Variants in PLCZ1 observed in about 807,000 individuals in gnomAD.
PLCZ1 encodes 1-phosphatidylinositol 4,5-bisphosphate phosphodiesterase zeta-1.
Under a neutral mutation model 76.8 loss-of-function variants are expected in PLCZ1, and 64 were observed. The ratio of observed to expected loss-of-function variants is 0.83; its 90% CI spans 0.68 to 1.03. PLCZ1 has a LOEUF of 1.03. PLCZ1 is among the 50% of genes least tolerant of loss of function. The pLI is 0.00. For synonymous variants in PLCZ1, 248 were observed against 230.8 expected (o/e 1.07, Z -0.68); for missense variants, 751 against 713.7 (o/e 1.05, Z -0.60).
chr12:18,684,385 A>C, intron 13 of PLCZ1, 106 bp from the exon 14 acceptor site: 3 of 1,078,914 alleles, frequency 2.8e-6, no homozygotes, highest in East Asian at 4.9e-5. Flanking sequence ...TTTAACAATA[A>C]TATCTTGTGT....
At chr12:18,728,038 AAAT>A (rs1958851100) in intron 3 of PLCZ1, among the ~76,000 whole-genome samples, 1 of 152,190 alleles carries the variant, frequency 6.6e-6, no homozygotes. Flanking sequence ...CCAAGCAAAG[AAAT>A]AAAGGAGGAA....
At chr12:18,653,383 T>C in the PLCZ1 span, among the ~76,000 whole-genome samples, 3 of 152,204 alleles carry the variant, frequency 2.0e-5, no homozygotes, top group Admixed American at 1.3e-4. Flanking sequence ...ATGTATATAT[T>C]ATTTCCTAGC....
chr12:18,657,796 A>G, the PLCZ1 span, among the ~76,000 whole-genome samples: 4 of 152,184 alleles, frequency 2.6e-5, no homozygotes, highest in South Asian at 8.3e-4. Context: ...TGTGCAAATA[A>G]TAAGAAAGTA....
chr12:18,690,620 T>C (rs1325194461), intron 12 of PLCZ1, among the ~76,000 whole-genome samples: 2 of 152,078 alleles, frequency 1.3e-5, no homozygotes, highest in African/African-American at 2.4e-5. Context: ...TGCCATAATA[T>C]ATGCATGCAG....
At chr12:18,668,441 C>A in the PLCZ1 span, among the ~76,000 whole-genome samples, 10 of 152,190 alleles carry the variant, frequency 6.6e-5, no homozygotes, top group Non-Finnish European at 1.5e-4. Context: ...GGAACCCAAC[C>A]TACACACATG....
At chr12:18,651,337 G>T in the PLCZ1 span, among the ~76,000 whole-genome samples, 1 of 152,086 alleles carries the variant, frequency 6.6e-6, no homozygotes, top group South Asian at 2.1e-4. Context: ...GTGAGATGTT[G>T]CAAGCTGCCC....
chr12:18,686,337 A>T (rs1953148892), intron 13 of PLCZ1, among the ~76,000 whole-genome samples: 1 of 152,094 alleles, frequency 6.6e-6, no homozygotes, highest in African/African-American at 2.4e-5. Context: ...TCTAGAAAAA[A>T]GAAAGTTCCT....
At chr12:18,693,874 G>T in intron 12 of PLCZ1, 9 of 1,533,572 alleles carry the variant, frequency 5.9e-6, no homozygotes, top group Non-Finnish European at 8.1e-6. Flanking sequence ...CCATCTTTCA[G>T]ATTCACACAA....
intron 12 of PLCZ1, among the ~76,000 whole-genome samples, chr12:18,691,567 G>T (rs1200113062): frequency 1.3e-5 from 2 of 152,142 alleles, no homozygotes; most frequent in African/African-American, 4.8e-5. Context: ...TCACTTGGAA[G>T]GTAGGGGGTA....
At chr12:18,681,230 T>C (rs1334000407), downstream of PLCZ1, among the ~76,000 whole-genome samples, 9 of 152,034 alleles carry the variant, frequency 5.9e-5, no homozygotes, top group Admixed American at 5.9e-4. Flanking sequence ...ACTGTCATTA[T>C]CAGTTGTAAA....
Position 18,688,171 on chromosome 12 carries a change from T to C in PLCZ1, c.1509A>G (p.Lys503=), listed in dbSNP as rs768800215. ...CTTCTATAATTACTAATGAATCACCTTTGTTAGATGATGAATGAGTAAGAG... is the reference window on the plus strand; with the variant it reads ...CTTCTATAATTACTAATGAATCACCCTTGTTAGATGATGAATGAGTAAGAG... ...QLPLTHSSSN[K]GDSLVIIEVF... is the part of the protein sequence containing the mutation. Residue 503 remains lysine, a synonymous_variant, in exon 13 of 15, where the codon AAA becomes AAG. Transcript: ENST00000266505. The C allele has an allele frequency of 6.2e-7, 1 of 1,611,266 alleles. No homozygotes were observed. The highest frequency in any genetic ancestry group is 1.7e-5 in the Admixed American group (1 of 59,928).
Position 18,723,474 on chromosome 12 carries a change from C to A in PLCZ1, c.204G>T (p.Thr68=), listed in dbSNP as rs201664245. ...AAATCTCAATAATTTCTTCTCTGTG[C>A]GTGATAATTCGATAAATTGCTCTAA... ...EEFRAIYRII[T]HREEIIEIFN... is the part of the protein sequence containing the mutation. Residue 68 remains threonine (T), a synonymous_variant, in exon 4 of 15, where the codon ACG becomes ACT. Transcript: ENST00000266505. 1.2e-6 allele frequency: 2 copies of A among 1,612,842 alleles called. No individual in the cohort carries two copies. Among genetic ancestry groups the A allele is most frequent in the Admixed American group, 1.7e-5 (1 of 59,846 alleles).
intron 6 of PLCZ1, among the ~76,000 whole-genome samples, chr12:18,708,384 T>C (rs982845433): frequency 6.6e-6 from 1 of 152,218 alleles, no homozygotes; most frequent in African/African-American, 2.4e-5. Flanking sequence ...CCATTGCATA[T>C]ATCCATTTTC....
intron 12 of PLCZ1, among the ~76,000 whole-genome samples, chr12:18,690,305 C>G (rs1953879955): frequency 6.6e-6 from 1 of 152,074 alleles, no homozygotes; most frequent in Non-Finnish European, 1.5e-5. Context: ...CTCACTGCAA[C>G]CTCTGCCTCC....
intron 3 of PLCZ1, among the ~76,000 whole-genome samples, chr12:18,723,939 A>T (rs1217994996): frequency 2.0e-5 from 3 of 152,140 alleles, no homozygotes; most frequent in African/African-American, 4.8e-5. Flanking sequence ...TTCAAGATCA[A>T]TGTAAACTGC....
chr12:18,721,351 G>A (rs1269321045), intron 4 of PLCZ1, among the ~76,000 whole-genome samples: 1 of 151,984 alleles, frequency 6.6e-6, no homozygotes, highest in East Asian at 1.9e-4. Flanking sequence ...ATTCAAATTG[G>A]CCTTAATAAG....
At chr12:18,664,660 T>G in the PLCZ1 span, among the ~76,000 whole-genome samples, 1 of 152,126 alleles carries the variant, frequency 6.6e-6, no homozygotes, top group South Asian at 2.1e-4. Flanking sequence ...TTATTGGGTA[T>G]ATACCCAAAG....
the PLCZ1 span, among the ~76,000 whole-genome samples, chr12:18,665,936 A>AC: frequency 6.7e-6 from 1 of 149,494 alleles, no homozygotes; most frequent in Admixed American, 6.7e-5. Flanking sequence ...CTCCATCTCA[A>AC]AAAAAAAAAA....
chr12:18,683,119 A>G, downstream of PLCZ1: 3 of 867,808 alleles, frequency 3.5e-6, no homozygotes, highest in South Asian at 3.2e-5. Context: ...AATGGGCTCA[A>G]TATTTCTAGT....
Sources: gnomAD v4.1 joint callset for allele counts (sites outside exome capture counted in the v4.1 genomes callset) on GRCh38, gnomAD v4.1.1 for gene constraint, MANE v1.5 for transcripts, NCBI Gene and HGNC (gene_info 2026-07-23, HGNC 2026-07-21) for gene names.